Variants in ZNF404 observed in about 807,000 individuals in gnomAD.
ZNF404 encodes zinc finger protein 404.
ZNF404 carries 7 observed loss-of-function variants against 7.3 expected under a neutral mutation model. That is an observed-to-expected ratio of 0.95 (90% CI 0.54 to 1.79). The LOEUF (loss-of-function observed/expected upper bound fraction) is 1.79, where lower values mean the gene tolerates loss of function less well. Among genes scored for constraint, ZNF404 ranks in the 40% most tolerant of loss-of-function variants. ZNF404 has a pLI of 0.00. For synonymous variants in ZNF404, 191 were observed against 209.9 expected, an observed-to-expected ratio of 0.91 and a Z score of 0.78; for missense variants, 560 against 661.5, an observed-to-expected ratio of 0.85 and a Z score of 1.68.
Position 43,874,067 on chromosome 19 carries a change from G to T in ZNF404, c.147C>A (p.Phe49Leu). The change falls in exon 3 of 3, where the codon TTC (phenylalanine) becomes TTA (leucine). Residue 49 changes from phenylalanine (F) to leucine (L), a missense_variant. Coordinates refer to ENST00000587539, the MANE Select transcript of ZNF404 (RefSeq NM_001033719.3). ...YTNLVSLDFN[F>L]TTESNKLSSE... ...AAGATAACTTGTTGCTTTCAGTTGT[G>T]AAATTAAAGTCTGGAAGAAAATGAA... 1 of 1,560,292 alleles carries T rather than the reference G, an allele frequency of 6.4e-7. No individual in the cohort carries two copies. Among genetic ancestry groups the T allele is most frequent in the South Asian group, 1.2e-5 (1 of 82,734 alleles).
intron 2 of ZNF404, among the ~76,000 whole-genome samples, chr19:43,876,066 G>A (rs1971848559): frequency 6.6e-6 from 1 of 152,194 alleles, no homozygotes; most frequent in Non-Finnish European, 1.5e-5. Flanking sequence ...GCTCATGCCT[G>A]TAATCCCAGC....
chr19:43,873,513 T>G lies in ZNF404; in HGVS notation c.701A>C (p.Gln234Pro), dbSNP rs760987927. 1.7e-5 allele frequency: 27 copies of G among 1,613,526 alleles called. No homozygotes were observed. The highest frequency in any genetic ancestry group is 2.3e-5 in the Non-Finnish European group (27 of 1,179,560). ...FRRHSHLTEH[Q>P]KIHVGLKPFE... Reference sequence around the variant, plus strand: ...GGGTTTCAAGCCAACATGAATTTTCTGATGTTCTGTAAGGTGAGAATGACG... The same window carrying G: ...GGGTTTCAAGCCAACATGAATTTTCGGATGTTCTGTAAGGTGAGAATGACG... The change falls in exon 3 of 3, where the codon CAG (glutamine) becomes CCG (proline). Residue 234 changes from glutamine (Q) to proline (P), a missense_variant. Transcript: ENST00000587539.
rs376236203 is a variant in ZNF404, at chr19:43,872,612, A to G, written c.1602T>C (p.His534=). 1.1e-5 allele frequency: 17 copies of G among 1,611,478 alleles called. No individual in the cohort carries two copies. The highest frequency in any genetic ancestry group is 1.4e-5 in the Non-Finnish European group (16 of 1,178,740). Residue 534 remains histidine (H), a synonymous_variant, in exon 3 of 3, where the codon CAT becomes CAC. Transcript: ENST00000587539. The surrounding 1 kb of genome is among the most constrained non-coding windows in gnomAD (Gnocchi z 4.4). ...TTTGATGTTGACTAAGTTGATAGCA[A>G]TGACTAAAGGCCTTACCACATTCTT... is the stretch of plus-strand genomic sequence containing the variant. ...KCKECGKAFS[H]CYQLSQHQRF...
At chr19:43,875,694 CA>C (rs1052077454) in intron 2 of ZNF404, among the ~76,000 whole-genome samples, 2 of 152,016 alleles carry the variant, frequency 1.3e-5, no homozygotes, top group African/African-American at 2.4e-5. Context: ...GTATTGAAAA[CA>C]AGTGGAATTC....
At chr19:43,874,820 C>G (rs1971841013) in intron 2 of ZNF404, among the ~76,000 whole-genome samples, 1 of 152,054 alleles carries the variant, frequency 6.6e-6, no homozygotes, top group Non-Finnish European at 1.5e-5. Flanking sequence ...TTTTGTTACC[C>G]TAAAACATAG....
chr19:43,873,837 G>A lies in ZNF404; in HGVS notation c.377C>T (p.Thr126Ile), dbSNP rs753030348. 8.1e-6 allele frequency: 13 copies of A among 1,611,652 alleles called. No homozygotes were observed. Among genetic ancestry groups the A allele is most frequent in the Non-Finnish European group, 1.0e-5 (12 of 1,179,504 alleles). ...KSLPLHKRNN[T>I]REKSYECKEY... ...CTTACACTCATATGATTTCTCTCTT[G>A]TGTTATTTCTCTTATGTAGAGGAAG... is the stretch of plus-strand genomic sequence containing the variant. Residue 126 changes from threonine to isoleucine, a missense_variant, in exon 3 of 3, where the codon ACA (threonine) becomes ATA (isoleucine). Transcript: ENST00000587539.
chr19:43,881,265 G>C lies in ZNF404; in HGVS notation c.10-1129C>G, dbSNP rs145767126. On this transcript the variant is annotated intron_variant, in intron 1 of 2. Transcript: ENST00000587539. The stretch of plus-strand genomic sequence containing the variant: ...CTCAGGCAAGAAGAAGAAATAAAAA[G>C]CATCTAGATTGAAAAAGAAGTAAAA... Among the ~76,000 whole-genome samples, 869 of 152,166 alleles carry C rather than the reference G, an allele frequency of 5.7e-3. 37 individuals carry two copies. Among genetic ancestry groups the C allele is most frequent in the Admixed American group, 0.051 (779 of 15,280 alleles).
At chr19:43,877,045 T>C (rs946849783) in intron 2 of ZNF404, among the ~76,000 whole-genome samples, 2 of 152,180 alleles carry the variant, frequency 1.3e-5, no homozygotes, top group Non-Finnish European at 2.9e-5. Flanking sequence ...GAAAAACTGG[T>C]ACACTGAATA....
At position 43,872,790 on chromosome 19, in the gene ZNF404, G is replaced by C; in HGVS notation, c.1424C>G (p.Ala475Gly). ...AGAAAGACCTGAGATAGAACGAAAG[G>C]CCTTCTTACATTCTTTACATACATA... ...KPYVCKECKK[A>G]FRSISGLSQH... The change falls in exon 3 of 3, where the codon GCC becomes GGC. Residue 475 changes from alanine to glycine, a missense_variant. Transcript: ENST00000587539. The surrounding 1 kb of genome is among the most constrained non-coding windows in gnomAD (Gnocchi z 4.4). The C allele has an allele frequency of 6.2e-7, 1 of 1,610,966 alleles. No homozygotes were observed. Among genetic ancestry groups the C allele is most frequent in the Non-Finnish European group, 8.5e-7 (1 of 1,178,160 alleles).
chr19:43,878,914 C>T (rs12460846), intron 2 of ZNF404, among the ~76,000 whole-genome samples: 32 of 152,126 alleles, frequency 2.1e-4, no homozygotes, highest in African/African-American at 9.7e-5. Flanking sequence ...AACATAAATA[C>T]CCTCTGGTGG....
intron 1 of ZNF404, 81 bp downstream of exon 1, chr19:43,883,875 T>C: frequency 6.8e-7 from 1 of 1,472,438 alleles, no homozygotes; most frequent in Non-Finnish European, 9.3e-7. Context: ...AGATAGGAGG[T>C]TTCAGGATTA....
intron 1 of ZNF404, 68 bp from the exon 2 acceptor site, chr19:43,880,204 G>T: frequency 1.5e-6 from 2 of 1,377,180 alleles, no homozygotes; most frequent in Non-Finnish European, 2.0e-6. Context: ...ACATTAAATT[G>T]CAATAAAGGG....
At chr19:43,880,843 G>A (rs1486675274) in intron 1 of ZNF404, among the ~76,000 whole-genome samples, 2 of 151,964 alleles carry the variant, frequency 1.3e-5, no homozygotes, top group Non-Finnish European at 1.5e-5. Context: ...CAGATGCAAC[G>A]ATTCCAAACA....
intron 1 of ZNF404, among the ~76,000 whole-genome samples, chr19:43,881,026 C>A (rs1971891017): frequency 6.6e-6 from 1 of 152,130 alleles, no homozygotes; most frequent in African/African-American, 2.4e-5. Context: ...AGGCATCTGA[C>A]AAAAGCCAAC....
chr19:43,876,382 A>T (rs966694022), intron 2 of ZNF404, among the ~76,000 whole-genome samples: 1 of 152,104 alleles, frequency 6.6e-6, no homozygotes. Context: ...ACTGCAGAAA[A>T]GAAAAATATA....
chr19:43,881,084 T>G (rs1971891432), intron 1 of ZNF404, among the ~76,000 whole-genome samples: 6 of 152,150 alleles, frequency 3.9e-5, no homozygotes, highest in Admixed American at 3.9e-4. Context: ...GGGAACATCC[T>G]TAACCCAATG....
chr19:43,872,576 A>G lies in ZNF404; in HGVS notation c.1638T>C (p.His546=). 6.2e-7 allele frequency: 1 copy of G among 1,605,320 alleles called. No individual in the cohort carries two copies. The highest frequency in any genetic ancestry group is 8.5e-7 in the Non-Finnish European group (1 of 1,175,670). The change falls in exon 3 of 3, where the codon CAT becomes CAC. Residue 546 remains histidine, a synonymous_variant. Coordinates refer to ENST00000587539, the MANE Select transcript of ZNF404 (RefSeq NM_001033719.3). The surrounding 1 kb of genome is among the most constrained non-coding windows in gnomAD (Gnocchi z 4.4). ...YQLSQHQRFH[H]GERLLM ...CTCATTACATTAAGAGTCTCTCACC[A>G]TGGTGAAATCTTTGATGTTGACTAA...
At chr19:43,877,268 G>A (rs1450124070) in intron 2 of ZNF404, among the ~76,000 whole-genome samples, 1 of 151,910 alleles carries the variant, frequency 6.6e-6, no homozygotes, top group Non-Finnish European at 1.5e-5. Context: ...AATCTAAACA[G>A]ACCAATTTCC....
At chr19:43,879,940 A>G in intron 2 of ZNF404, 70 bp downstream of exon 2, 1 of 1,583,318 alleles carries the variant, frequency 6.3e-7, no homozygotes, top group Non-Finnish European at 8.7e-7. Context: ...CATAGACCAT[A>G]AAATATACAA....
Sources: gnomAD v4.1 joint callset for allele counts (sites outside exome capture counted in the v4.1 genomes callset) on GRCh38, gnomAD v4.1.1 for gene constraint, Gnocchi (gnomAD v3.1) non-coding constraint, MANE v1.5 for transcripts, NCBI Gene and HGNC (gene_info 2026-07-23, HGNC 2026-07-21) for gene names.